Variants in SLC35F3 observed in about 807,000 individuals in gnomAD.
SLC35F3 encodes putative thiamine transporter SLC35F3.
In SLC35F3, 25 loss-of-function variants were observed where a neutral mutation model predicts 49.9. The ratio of observed to expected loss-of-function variants is 0.50; its 90% CI spans 0.37 to 0.70. The LOEUF (loss-of-function observed/expected upper bound fraction) is 0.70. Ranked by LOEUF, SLC35F3 falls within the 30% of genes least tolerant of loss-of-function variation. The pLI, the probability that SLC35F3 is intolerant of heterozygous loss-of-function variation, is 0.00. For synonymous variants in SLC35F3, 275 were observed against 265.4 expected (o/e 1.04, Z -0.35); for missense variants, 525 against 639.8 (o/e 0.82, Z 1.94).
At chr1:234,198,756 G>A (rs1666851841) in intron 2 of SLC35F3, among the ~76,000 whole-genome samples, 1 of 151,936 alleles carries the variant, frequency 6.6e-6, no homozygotes, top group Non-Finnish European at 1.5e-5. Context: ...CATTTTTTGT[G>A]GTGAGAATGT....
chr1:233,986,050 G>T (rs1449477219), intron 2 of SLC35F3, among the ~76,000 whole-genome samples: 1 of 152,112 alleles, frequency 6.6e-6, no homozygotes, highest in Non-Finnish European at 1.5e-5. Flanking sequence ...TTAGTACCCT[G>T]ATCTTAAAAA....
chr1:234,218,628 G>A (rs569225392), intron 2 of SLC35F3, among the ~76,000 whole-genome samples: 197 of 152,176 alleles, frequency 1.3e-3, no homozygotes, highest in Non-Finnish European at 2.5e-3. Flanking sequence ...CGAAGGAACT[G>A]TAATTAGAAA....
intron 2 of SLC35F3, among the ~76,000 whole-genome samples, chr1:233,962,150 A>G (rs1662814955): frequency 6.6e-6 from 1 of 152,256 alleles, no homozygotes; most frequent in Non-Finnish European, 1.5e-5. Context: ...ACTATTGGTA[A>G]CATTTTATTG....
chr1:234,162,817 T>G (rs1666248620), intron 2 of SLC35F3, among the ~76,000 whole-genome samples: 1 of 152,226 alleles, frequency 6.6e-6, no homozygotes, highest in Non-Finnish European at 1.5e-5. Context: ...TAATGAACCC[T>G]GTCTGTTTGC....
intron 2 of SLC35F3, among the ~76,000 whole-genome samples, chr1:234,137,346 C>A (rs1444542554): frequency 6.6e-6 from 1 of 152,118 alleles, no homozygotes; most frequent in African/African-American, 2.4e-5. Context: ...GCCTGAGAGG[C>A]AAAGTGGTCA....
chr1:234,021,394 T>C, intron 2 of SLC35F3, among the ~76,000 whole-genome samples: 1 of 152,212 alleles, frequency 6.6e-6, no homozygotes, highest in East Asian at 1.9e-4. Context: ...CAATGTCATA[T>C]CATCATCCCT....
At chr1:233,924,203 A>G (rs6680395) in intron 2 of SLC35F3, among the ~76,000 whole-genome samples, 68,415 of 152,074 alleles carry the variant, frequency 0.45, 16,505 homozygotes, top group Middle Eastern at 0.55. Context: ...TGATTGGAAT[A>G]GTTTTAGAAG....
chr1:234,134,226 TGTAAA>T (rs1184708367), intron 2 of SLC35F3, among the ~76,000 whole-genome samples: 1 of 150,850 alleles, frequency 6.6e-6, no homozygotes, highest in African/African-American at 2.4e-5. Context: ...TTTCTGCTCT[TGTAAA>T]GTGTATTTTC....
intron 3 of SLC35F3, among the ~76,000 whole-genome samples, chr1:234,266,879 T>G (rs979509688): frequency 6.7e-5 from 10 of 148,632 alleles, no homozygotes; most frequent in Non-Finnish European, 7.4e-5. Context: ...CATGGTTTTT[T>G]TTTTTTTTTT....
intron 2 of SLC35F3, among the ~76,000 whole-genome samples, chr1:234,172,125 C>A (rs1048644682): frequency 4.6e-5 from 7 of 152,204 alleles, no homozygotes; most frequent in Non-Finnish European, 1.0e-4. Context: ...CAGTTGGACA[C>A]CTCCAGTCCA....
At chr1:234,308,484 G>C (rs1657262999) in intron 3 of SLC35F3, among the ~76,000 whole-genome samples, 1 of 152,006 alleles carries the variant, frequency 6.6e-6, no homozygotes, top group Non-Finnish European at 1.5e-5. Flanking sequence ...TAGCTCATCA[G>C]CTATCGTTAG....
chr1:234,073,727 A>C (rs987934432), intron 2 of SLC35F3, among the ~76,000 whole-genome samples: 4 of 152,170 alleles, frequency 2.6e-5, no homozygotes, highest in Non-Finnish European at 5.9e-5. Flanking sequence ...TAAAATAAAA[A>C]TCCAGTATAA....
rs1271862663 is a variant in SLC35F3, at chr1:234,316,808, C to T, written c.954+81C>T. ...CCGGCTTTAGATCGCTTGTCCTTTA[C>T]TTTTCAACAGCTTCTGATGATACCT... is the stretch of plus-strand genomic sequence containing the variant. On this transcript the variant is annotated intron_variant, in intron 5 of 7. Transcript: ENST00000366618. 4.0e-4 allele frequency: 593 copies of T among 1,501,218 alleles called. 3 individuals are homozygous for T. The highest frequency in any genetic ancestry group is 6.0e-5 in the Non-Finnish European group (66 of 1,104,506). 93.0% of individuals were successfully genotyped at this position (1,501,218 alleles called of 1,614,324 possible). A position where few individuals can be genotyped will look rare whatever the true frequency, so the allele number is the denominator to read the frequency against.
At position 234,320,774 on chromosome 1, in the gene SLC35F3, A is replaced by C. The variant is rs1014961326; in HGVS notation, c.1237+587A>C. Reference sequence around the variant, plus strand: ...TGTTTTCCCCTGGGGACTCGTTGCCAAGGCACACAGTTGACAGCTCTTTCA... The same window carrying C: ...TGTTTTCCCCTGGGGACTCGTTGCCCAGGCACACAGTTGACAGCTCTTTCA... On this transcript the variant is annotated intron_variant, in intron 7 of 7. Coordinates refer to ENST00000366618, the MANE Select transcript of SLC35F3 (RefSeq NM_173508.4). This position sits in a 1 kb window ranked among gnomAD's most constrained non-coding sequence, Gnocchi z 4.8. Among the ~76,000 whole-genome samples, 13 of 152,112 alleles carry C rather than the reference A, an allele frequency of 8.5e-5. No individual in the cohort carries two copies. The highest frequency in any genetic ancestry group is 3.1e-4 in the African/African-American group (13 of 41,428).
At position 233,982,966 on chromosome 1, in the gene SLC35F3, A is replaced by T. The variant is rs552649275; in HGVS notation, c.283+77208A>T. ...ACCCTGGAGCTGAACCAAGATCTGAAAGAGCAGGATATGACCAGGAGCAGG... is the reference window on the plus strand; with the variant it reads ...ACCCTGGAGCTGAACCAAGATCTGATAGAGCAGGATATGACCAGGAGCAGG... On this transcript the variant is annotated intron_variant, in intron 2 of 7. Transcript: ENST00000366618. Among the ~76,000 whole-genome samples the T allele has an allele frequency of 3.9e-5, 6 of 152,270 alleles. No individual in the cohort carries two copies. In the South Asian group the frequency reaches 1.2e-3, roughly 32 times the overall value.
intron 3 of SLC35F3, among the ~76,000 whole-genome samples, chr1:234,259,473 C>G (rs1159982514): frequency 1.3e-5 from 2 of 152,038 alleles, no homozygotes; most frequent in Admixed American, 6.6e-5. Flanking sequence ...CCTGAGGGGT[C>G]CTCCAGTTCC....
At chr1:233,978,419 A>G (rs1353630104) in intron 2 of SLC35F3, among the ~76,000 whole-genome samples, 1 of 152,230 alleles carries the variant, frequency 6.6e-6, no homozygotes, top group African/African-American at 2.4e-5. Context: ...TCTCTTCTGC[A>G]CAGACTTGTG....
In SLC35F3 at chr1:234,183,799, A is replaced by G. The variant is rs1162291921; in HGVS notation, c.284-47618A>G. On this transcript the variant is annotated intron_variant, in intron 2 of 7. Coordinates refer to ENST00000366618, the MANE Select transcript of SLC35F3 (RefSeq NM_173508.4). ...ACGACTTCTGGTTCAAGTACAAAAT[A>G]CCACGCTGTGGACCCATTCACAAAG... 1.4e-5 allele frequency among the ~76,000 whole-genome samples: 2 copies of G among 142,884 alleles called. 1 individual carries two copies. The highest frequency in any genetic ancestry group is 4.9e-5 in the African/African-American group (2 of 41,164). The allele number at this position is 142,884 out of a possible 152,430, so 93.7% of individuals were successfully genotyped here.
intron 2 of SLC35F3, among the ~76,000 whole-genome samples, chr1:234,015,661 A>C (rs1014250136): frequency 6.6e-6 from 1 of 152,234 alleles, no homozygotes; most frequent in African/African-American, 2.4e-5. Flanking sequence ...AAATAAACTC[A>C]AAATGGATTA....
Sources: allele counts gnomAD v4.1 joint callset (sites outside exome capture counted in the v4.1 genomes callset), GRCh38; gene constraint gnomAD v4.1.1; non-coding constraint Gnocchi (gnomAD v3.1); transcripts MANE v1.5; gene names NCBI Gene and HGNC (gene_info 2026-07-23, HGNC 2026-07-21).